ELF4: variants seen among roughly 807,000 people sequenced by gnomAD.
The protein encoded by ELF4 is ETS-related transcription factor Elf-4.
Under a neutral mutation model 31.7 loss-of-function variants are expected in ELF4, and 10 were observed. The observed-to-expected ratio is 0.32, with a 90% CI of 0.19 to 0.54. ELF4 has a LOEUF of 0.54. Ranked by LOEUF, ELF4 falls within the 20% of genes least tolerant of loss-of-function variation. The pLI is 0.95. For missense variants in ELF4, 418 were observed against 522.0 expected (o/e 0.80, Z 1.94); for synonymous variants, 208 against 226.7 (o/e 0.92, Z 0.74).
At chrX:130,083,801 T>A (rs1932920195) in intron 1 of ELF4, among the ~76,000 whole-genome samples, 1 of 105,599 alleles carries the variant, frequency 9.5e-6, no homozygotes, top group East Asian at 3.0e-4. Flanking sequence ...AATGGGTGGA[T>A]GGGTGGGTGG....
At chrX:130,096,176 T>G (rs1342176761) in intron 1 of ELF4, among the ~76,000 whole-genome samples, 1 of 108,870 alleles carries the variant, frequency 9.2e-6, no homozygotes, top group Non-Finnish European at 1.9e-5. Flanking sequence ...ATGTTTTGGG[T>G]TTTTTTTTGT....
intron 4 of ELF4, 50 bp from the exon 5 acceptor site, chrX:130,072,467 G>C (rs764846615): frequency 8.5e-7 from 1 of 1,175,216 alleles, no homozygotes; most frequent in Non-Finnish European, 1.2e-6. Flanking sequence ...GGGCTGGAGC[G>C]GGGTCTCCCA....
At chrX:130,072,174 C>T in intron 5 of ELF4, 52 bp downstream of exon 5, 10 of 1,094,608 alleles carry the variant, frequency 9.1e-6, no homozygotes, top group East Asian at 3.0e-5. Flanking sequence ...CGCCCCCCCA[C>T]GCCCCGCCCA....
intron 1 of ELF4, among the ~76,000 whole-genome samples, chrX:130,085,876 C>T (rs781438452): frequency 1.6e-4 from 18 of 112,254 alleles, no homozygotes; most frequent in Middle Eastern, 4.6e-3. Flanking sequence ...GCTGTACCCT[C>T]GACTGAAAAA....
At chrX:130,102,874 GAGAGAGAGAGAGAA>G (rs56171878) in intron 1 of ELF4, among the ~76,000 whole-genome samples, 6,809 of 77,346 alleles carry the variant, frequency 0.088, 361 homozygotes, top group Non-Finnish European at 0.12. Flanking sequence ...GAGAGAGAGA[GAGAGAGAGAGAGAA>G]AGAAAGAAAG....
intron 1 of ELF4, among the ~76,000 whole-genome samples, chrX:130,089,982 A>G (rs941738552): frequency 1.6e-4 from 18 of 111,639 alleles, no homozygotes; most frequent in Admixed American, 2.9e-4. Flanking sequence ...CATGCCTGTA[A>G]TCCCAGCACT....
chrX:130,087,748 G>C (rs756387173), intron 1 of ELF4, among the ~76,000 whole-genome samples: 138 of 112,319 alleles, frequency 1.2e-3, no homozygotes, highest in Middle Eastern at 4.6e-3. Flanking sequence ...GATTACAGGC[G>C]TGAGCCACCG....
intron 1 of ELF4, among the ~76,000 whole-genome samples, chrX:130,094,546 G>A (rs1373645010): frequency 9.3e-6 from 1 of 107,276 alleles, no homozygotes; most frequent in African/African-American, 3.4e-5. Context: ...CAGCCTGGGT[G>A]ACAGAGGAGA....
intron 1 of ELF4, among the ~76,000 whole-genome samples, chrX:130,100,937 A>G (rs183602167): frequency 1.7e-4 from 19 of 112,422 alleles, no homozygotes; most frequent in African/African-American, 2.3e-4. Flanking sequence ...TAAGGTAGCC[A>G]TAGAGTTGGG....
chrX:130,102,648 T>C (rs903368370), intron 1 of ELF4, among the ~76,000 whole-genome samples: 1 of 65,659 alleles, frequency 1.5e-5, no homozygotes, highest in African/African-American at 8.5e-5. Context: ...AACATACCTC[T>C]ACAAAAAAAA....
In ELF4 at chrX:130,066,125, G is replaced by A. The variant is rs1488466610; in HGVS notation, c.*596C>T. 5.7e-6 allele frequency: 1 copy of A among 173,974 alleles called. No individual in the cohort carries two copies. The highest frequency in any genetic ancestry group is 8.1e-5 in the East Asian group (1 of 12,289). The allele number at this position is 173,974 out of a possible 1,213,427, so 14.3% of individuals were successfully genotyped here. A position where few individuals can be genotyped will look rare whatever the true frequency, so the allele number is the denominator to read the frequency against. On this transcript the variant is annotated 3_prime_UTR_variant, in exon 9 of 9. Coordinates refer to ENST00000308167, the MANE Select transcript of ELF4 (RefSeq NM_001421.4). Reference sequence around the variant, plus strand: ...TCTCCAGATTCGGAGGATCAAACTTGTACCCCATAGTCTCAGAGCAACTGA... The same window carrying A: ...TCTCCAGATTCGGAGGATCAAACTTATACCCCATAGTCTCAGAGCAACTGA...
intron 1 of ELF4, among the ~76,000 whole-genome samples, chrX:130,082,656 C>T (rs1420361550): frequency 9.0e-6 from 1 of 111,654 alleles, no homozygotes; most frequent in Admixed American, 9.5e-5. Flanking sequence ...TGTCAGTGCC[C>T]GGGCGCCTCA....
In ELF4 at chrX:130,066,552, A is replaced by T; in HGVS notation, c.*169T>A. The T allele has an allele frequency of 1.9e-6, 1 of 525,969 alleles. No homozygotes were observed. The highest frequency in any genetic ancestry group is 3.3e-6 in the Non-Finnish European group (1 of 306,780). The allele number at this position is 525,969 out of a possible 1,213,427, so 43.3% of individuals were successfully genotyped here. A position where few individuals can be genotyped will look rare whatever the true frequency, so the allele number is the denominator to read the frequency against. ...CCATAGTCTGATGCCAGGGATGCTT[A>T]AGCTGGGCACTGTTTGGCCACAGTG... On this transcript the variant is annotated 3_prime_UTR_variant, in exon 9 of 9. Coordinates refer to ENST00000308167, the MANE Select transcript of ELF4 (RefSeq NM_001421.4).
intron 1 of ELF4, among the ~76,000 whole-genome samples, chrX:130,088,466 C>A (rs773648649): frequency 4.5e-5 from 5 of 111,507 alleles, no homozygotes; most frequent in Non-Finnish European, 9.4e-5. Flanking sequence ...AATCCCAGCA[C>A]TTTGGGAGGC....
chrX:130,085,621 G>A (rs1046857715), intron 1 of ELF4, among the ~76,000 whole-genome samples: 2 of 111,812 alleles, frequency 1.8e-5, no homozygotes, highest in Non-Finnish European at 3.8e-5. Flanking sequence ...GGTAACACCC[G>A]TGGCATTTTC....
intron 1 of ELF4, among the ~76,000 whole-genome samples, chrX:130,102,455 G>C (rs1487340994): frequency 1.8e-5 from 2 of 111,338 alleles, no homozygotes; most frequent in Non-Finnish European, 3.8e-5. Context: ...GACAATGGTA[G>C]TAGACTGATG....
In ELF4 at chrX:130,104,190, T is replaced by C. The variant is rs1029564003; in HGVS notation, c.-210+6135A>G. Reference sequence around the variant, plus strand: ...TGAATGATGCTCAAGATGAAAATGGTGAAGGACTAAAGAAGGCAATGTTAG... The same window carrying C: ...TGAATGATGCTCAAGATGAAAATGGCGAAGGACTAAAGAAGGCAATGTTAG... On this transcript the variant is annotated intron_variant, in intron 1 of 8. Coordinates refer to ENST00000308167, the MANE Select transcript of ELF4 (RefSeq NM_001421.4). Among the ~76,000 whole-genome samples the C allele has an allele frequency of 3.6e-5, 4 of 110,563 alleles. No homozygotes were observed. In the South Asian group the frequency reaches 1.5e-3, roughly 42 times the overall value.
rs989355449 is a variant in ELF4, at chrX:130,102,726, A to G, written c.-210+7599T>C. ...CAGCTACTTGGAAGGCTAAGGTGGT[A>G]GGATTACTTGAGCTCAGGAGGTCAA... On this transcript the variant is annotated intron_variant, in intron 1 of 8. Coordinates refer to ENST00000308167, the MANE Select transcript of ELF4 (RefSeq NM_001421.4). Among the ~76,000 whole-genome samples, 3 of 108,202 alleles carry G rather than the reference A, an allele frequency of 2.8e-5. No homozygotes were observed. The East Asian group carries it at 8.6e-4, about 31-fold the overall frequency. The allele number at this position is 108,202 out of a possible 115,157, so 94.0% of individuals were successfully genotyped here.
intron 2 of ELF4, among the ~76,000 whole-genome samples, chrX:130,077,809 C>G (rs1466013227): frequency 2.0e-4 from 22 of 111,923 alleles, no homozygotes; most frequent in Non-Finnish European, 3.4e-4. Context: ...AGAGCAGGGC[C>G]TGGCGTAGAC....
Sources: allele counts gnomAD v4.1 joint callset (sites outside exome capture counted in the v4.1 genomes callset), GRCh38; gene constraint gnomAD v4.1.1; transcripts MANE v1.5; gene names NCBI Gene and HGNC (gene_info 2026-07-23, HGNC 2026-07-21).